Variants in SLURP2 observed in about 807,000 individuals in gnomAD.
The protein encoded by SLURP2 is secreted Ly-6/uPAR domain-containing protein 2.
A neutral mutation model predicts 9.8 loss-of-function variants in SLURP2; 4 were observed. That is an observed-to-expected ratio of 0.41 (90% CI 0.20 to 0.94). The LOEUF (loss-of-function observed/expected upper bound fraction) is 0.94. Ranked by LOEUF, SLURP2 falls within the 40% of genes least tolerant of loss-of-function variation. The probability of loss-of-function intolerance (pLI) is 0.32; values close to 1 mark genes in which losing one functional copy is unlikely to be tolerated. For synonymous variants in SLURP2, 58 were observed against 56.2 expected (o/e 1.03, Z -0.15); for missense variants, 118 against 126.4 (o/e 0.93, Z 0.32).
Position 142,765,292 on chromosome 8 carries a change from C to G in SLURP2, c.53-152G>C, listed in dbSNP as rs139745797. On this transcript the variant is annotated intron_variant, in intron 1 of 2. Transcript: ENST00000317543. ...CCCTGTGATCCAGCCCTCTCAGGAG[C>G]TGGGCCCCTGTCCCTCACCTTGGGG... 796 of 635,382 alleles carry G rather than the reference C, an allele frequency of 1.3e-3. 9 individuals carry two copies. In the East Asian group the frequency reaches 0.022, roughly 17 times the overall value. 39.4% of individuals were successfully genotyped at this position (635,382 alleles called of 1,614,324 possible).
chr8:142,764,916 A>G (rs1360468726), intron 2 of SLURP2, 120 bp downstream of exon 2: 1 of 1,121,804 alleles, frequency 8.9e-7, no homozygotes, highest in Non-Finnish European at 1.3e-6. Flanking sequence ...TCACTGGCGG[A>G]CACTCCCCAC....
chr8:142,767,801 T>C (rs587644801), intron 1 of SLURP2, among the ~76,000 whole-genome samples: 149 of 152,124 alleles, frequency 9.8e-4, no homozygotes, highest in African/African-American at 3.5e-3. Flanking sequence ...CACCCAAGCA[T>C]GAGGGCCTCT....
intron 1 of SLURP2, chr8:142,766,559 G>A (rs1176231421): frequency 2.6e-5 from 4 of 152,190 alleles, no homozygotes; most frequent in African/African-American, 4.8e-5. Flanking sequence ...GCTCTTCCGC[G>A]GGCGCTGCTG....
chr8:142,765,918 G>A (rs961862209), intron 1 of SLURP2, among the ~76,000 whole-genome samples: 9 of 150,778 alleles, frequency 6.0e-5, no homozygotes, highest in East Asian at 2.0e-4. Context: ...AGCCGAGATC[G>A]CGCCACTGCA....
At chr8:142,765,503 A>G (rs1318843214) in intron 1 of SLURP2, among the ~76,000 whole-genome samples, 6 of 151,990 alleles carry the variant, frequency 3.9e-5, no homozygotes, top group Admixed American at 3.9e-4. Context: ...GCTCTGAGAC[A>G]CGCTTTCTGG....
At position 142,765,097 on chromosome 8, in the gene SLURP2, T is replaced by A. The variant is rs1455789555; in HGVS notation, c.96A>T (p.Gly32=). ...AIWCHQCTGF[G]GCSHGSRCLR... ...GGCATCTGGATCCATGGGAGCACCC[T>A]CCGAAGCCCGTGCACTGGTGACACC... The change falls in exon 2 of 3, where the codon GGA becomes GGT. Residue 32 remains glycine (G), a synonymous_variant. Transcript: ENST00000317543. The A allele has an allele frequency of 1.2e-6, 2 of 1,612,590 alleles. No homozygotes were observed. Among genetic ancestry groups the A allele is most frequent in the Non-Finnish European group, 1.7e-6 (2 of 1,179,800 alleles).
intron 1 of SLURP2, among the ~76,000 whole-genome samples, chr8:142,767,707 C>A (rs1357116094): frequency 6.6e-6 from 1 of 152,092 alleles, no homozygotes; most frequent in Non-Finnish European, 1.5e-5. Flanking sequence ...TCTGACACAC[C>A]CACCGTGAAC....
chr8:142,766,836 A>G (rs1815023115), intron 1 of SLURP2, among the ~76,000 whole-genome samples: 1 of 152,194 alleles, frequency 6.6e-6, no homozygotes, highest in Non-Finnish European at 1.5e-5. Flanking sequence ...GACAAGGCCA[A>G]TGGTGTGGCC....
chr8:142,765,053 CAGTG>C lies in SLURP2; in HGVS notation c.136_139del (p.His46ValfsTer24). 2 of 1,612,258 alleles carry C rather than the reference CAGTG, an allele frequency of 1.2e-6. No homozygotes were observed. The highest frequency in any genetic ancestry group is 1.7e-6 in the Non-Finnish European group (2 of 1,179,518). On this transcript the variant is annotated frameshift_variant, in exon 2 of 3. Coordinates refer to ENST00000317543, the MANE Select transcript of SLURP2 (RefSeq NM_177458.3). LOFTEE classifies it low-confidence loss of function (END_TRUNC). ...CCACTTACGGGTGGCAGTGGTGACA[CAGTG>C]GGTGGAGTCCCTCAGGCATCTGGAT...
At position 142,764,373 on chromosome 8, in the gene SLURP2, G is replaced by T; in HGVS notation, c.*232C>A. 1.5e-6 allele frequency: 1 copy of T among 650,412 alleles called. No individual in the cohort carries two copies. Among genetic ancestry groups the T allele is most frequent in the Non-Finnish European group, 2.7e-6 (1 of 366,136 alleles). The allele number at this position is 650,412 out of a possible 1,614,324, so 40.3% of individuals were successfully genotyped here. ...CGATCCAATCACATTTTATTGTGGG[G>T]AGGTCGGGACCTGAAGGGGCGGCAG... On this transcript the variant is annotated 3_prime_UTR_variant, in exon 3 of 3. Coordinates refer to ENST00000317543, the MANE Select transcript of SLURP2 (RefSeq NM_177458.3).
At chr8:142,764,839 AG>A (rs2130063091) in intron 2 of SLURP2, 98 bp from the exon 3 acceptor site, 1 of 1,449,048 alleles carries the variant, frequency 6.9e-7, no homozygotes, top group South Asian at 1.2e-5. Flanking sequence ...CAGACGCCCC[AG>A]GTACATGAAG....
chr8:142,769,354 G>C, intron 1 of SLURP2, among the ~76,000 whole-genome samples: 1 of 151,954 alleles, frequency 6.6e-6, no homozygotes, highest in Non-Finnish European at 1.5e-5. Context: ...GGAGTCCCGG[G>C]AGGGTGGCCC....
intron 1 of SLURP2, among the ~76,000 whole-genome samples, chr8:142,769,164 T>G (rs1455064831): frequency 1.4e-5 from 2 of 146,874 alleles, no homozygotes; most frequent in Non-Finnish European, 3.0e-5. Context: ...GGCCAAGGGA[T>G]CTGAAGCTGG....
At chr8:142,766,247 T>C (rs921452095) in intron 1 of SLURP2, 2 of 152,230 alleles carry the variant, frequency 1.3e-5, no homozygotes, top group African/African-American at 4.8e-5. Flanking sequence ...ATGTAAGGAA[T>C]GTCTCAATTC....
In SLURP2 at chr8:142,768,567, A is replaced by G. The variant is rs1286298105; in HGVS notation, c.52+1188T>C. ...GTGCAGGGAAGGGCCTCTGGGTCAG[A>G]GGGGAGTCCGTGGGCACCGGGCACC... is the stretch of plus-strand genomic sequence containing the variant. On this transcript the variant is annotated intron_variant, in intron 1 of 2. Transcript: ENST00000317543. This position sits in a 1 kb window ranked among gnomAD's most constrained non-coding sequence, Gnocchi z 4.8. 3.9e-5 allele frequency among the ~76,000 whole-genome samples: 6 copies of G among 152,062 alleles called. No homozygotes were observed. Among genetic ancestry groups the G allele is most frequent in the African/African-American group, 1.2e-4 (5 of 41,416 alleles).
In SLURP2 at chr8:142,765,018, A is replaced by G; in HGVS notation, c.157+18T>C. The G allele has an allele frequency of 1.3e-6, 2 of 1,593,326 alleles. No homozygotes were observed. Among genetic ancestry groups the G allele is most frequent in the Non-Finnish European group, 1.7e-6 (2 of 1,166,702 alleles). On this transcript the variant is annotated intron_variant, in intron 2 of 2. Coordinates refer to ENST00000317543, the MANE Select transcript of SLURP2 (RefSeq NM_177458.3). ...TGGGCAAGAAGGACGTGGCCAGCCCACCACTGTTCCCACTTACGGGTGGCA... is the reference window on the plus strand; with the variant it reads ...TGGGCAAGAAGGACGTGGCCAGCCCGCCACTGTTCCCACTTACGGGTGGCA...
Position 142,768,785 on chromosome 8 carries a change from C to A in SLURP2, c.52+970G>T, listed in dbSNP as rs1375758216. On this transcript the variant is annotated intron_variant, in intron 1 of 2. Coordinates refer to ENST00000317543, the MANE Select transcript of SLURP2 (RefSeq NM_177458.3). The surrounding 1 kb of genome is among the most constrained non-coding windows in gnomAD (Gnocchi z 4.8). Reference sequence around the variant, plus strand: ...GTCCTCAGGGTCAGCGGCTCAGCCTCTCATAGGCCAGGAGGGTGCCCCTGG... The same window carrying A: ...GTCCTCAGGGTCAGCGGCTCAGCCTATCATAGGCCAGGAGGGTGCCCCTGG... Among the ~76,000 whole-genome samples, 1 of 152,116 alleles carries A rather than the reference C, an allele frequency of 6.6e-6. No individual in the cohort carries two copies. The highest frequency in any genetic ancestry group is 1.5e-5 in the Non-Finnish European group (1 of 68,008).
rs1310012870 is a variant in SLURP2, at chr8:142,768,812, G to T, written c.52+943C>A. On this transcript the variant is annotated intron_variant, in intron 1 of 2. Coordinates refer to ENST00000317543, the MANE Select transcript of SLURP2 (RefSeq NM_177458.3). The surrounding 1 kb of genome is among the most constrained non-coding windows in gnomAD (Gnocchi z 4.8). ...CATAGGCCAGGAGGGTGCCCCTGGG[G>T]ATGGAGACTGGAGGGATGTAAGAGA... Among the ~76,000 whole-genome samples the T allele has an allele frequency of 6.6e-6, 1 of 152,132 alleles. No homozygotes were observed. Among genetic ancestry groups the T allele is most frequent in the Non-Finnish European group, 1.5e-5 (1 of 68,004 alleles).
Position 142,765,070 on chromosome 8 carries a change from C to T in SLURP2, c.123G>A (p.Leu41=). 3.7e-6 allele frequency: 6 copies of T among 1,612,884 alleles called. No homozygotes were observed. Among genetic ancestry groups the T allele is most frequent in the Non-Finnish European group, 5.1e-6 (6 of 1,179,838 alleles). Residue 41 remains leucine, a synonymous_variant, in exon 2 of 3, where the codon CTG becomes CTA. Coordinates refer to ENST00000317543, the MANE Select transcript of SLURP2 (RefSeq NM_177458.3). ...FGGCSHGSRC[L]RDSTHCVTTA... ...TGGTGACACAGTGGGTGGAGTCCCT[C>T]AGGCATCTGGATCCATGGGAGCACC...
Sources: allele counts gnomAD v4.1 joint callset (sites outside exome capture counted in the v4.1 genomes callset), GRCh38; gene constraint gnomAD v4.1.1; non-coding constraint Gnocchi (gnomAD v3.1); transcripts MANE v1.5; gene names NCBI Gene and HGNC (gene_info 2026-07-23, HGNC 2026-07-21).